The following CDK19 variants were observed in gnomAD, a reference collection of about 807,000 sequenced individuals.
CDK19 encodes the protein cyclin-dependent kinase 19.
CDK19 carries 20 observed loss-of-function variants against 68.3 expected under a neutral mutation model. The observed-to-expected ratio is 0.29, with a 90% CI of 0.21 to 0.43. The LOEUF (loss-of-function observed/expected upper bound fraction) is 0.43. CDK19 is among the 20% of genes least tolerant of loss of function. The probability of loss-of-function intolerance (pLI) is 1.00; values close to 1 mark genes in which losing one functional copy is unlikely to be tolerated. For synonymous variants in CDK19, 221 were observed against 222.8 expected (o/e 0.99, Z 0.07); for missense variants, 339 against 623.5 (o/e 0.54, Z 4.86).
chr6:110,627,424 C>G (rs1259158139), intron 6 of CDK19, among the ~76,000 whole-genome samples: 3 of 152,038 alleles, frequency 2.0e-5, no homozygotes. Context: ...TAATAAAAAA[C>G]ATTTACTTGT....
At chr6:110,652,191 A>G (rs1181978232) in intron 4 of CDK19, among the ~76,000 whole-genome samples, 1 of 152,172 alleles carries the variant, frequency 6.6e-6, no homozygotes. Flanking sequence ...TAAGCTAAAA[A>G]AGAAAACAAA....
intron 4 of CDK19, among the ~76,000 whole-genome samples, chr6:110,651,041 G>A (rs1170931609): frequency 6.6e-6 from 1 of 152,160 alleles, no homozygotes; most frequent in Non-Finnish European, 1.5e-5. Context: ...AAACAGCAAA[G>A]AGGTCAATGT....
At chr6:110,690,248 A>G (rs991743955) in intron 2 of CDK19, among the ~76,000 whole-genome samples, 1 of 152,052 alleles carries the variant, frequency 6.6e-6, no homozygotes, top group African/African-American at 2.4e-5. Context: ...TCAGGCTTGC[A>G]TAAGAGGTAG....
rs578151511 is a variant in CDK19, at chr6:110,801,614, C to A, written c.128+13395G>T. On this transcript the variant is annotated intron_variant, in intron 1 of 12. Coordinates refer to ENST00000368911, the MANE Select transcript of CDK19 (RefSeq NM_015076.5). ...GCAAGCTCCGCCTCCCAGGTTCACA[C>A]CATTCTCCTGCCTCAGCCTCCCGAG... is the stretch of plus-strand genomic sequence containing the variant. Among the ~76,000 whole-genome samples the A allele has an allele frequency of 4.4e-3, 668 of 152,194 alleles. 8 individuals carry two copies. Among genetic ancestry groups the A allele is most frequent in the Non-Finnish European group, 5.9e-3 (402 of 68,004 alleles).
chr6:110,794,562 CA>C (rs1251198659), intron 1 of CDK19, among the ~76,000 whole-genome samples: 1 of 150,800 alleles, frequency 6.6e-6, no homozygotes, highest in Non-Finnish European at 1.5e-5. Flanking sequence ...CCACCACGTC[CA>C]GCTAATTTTT....
chr6:110,743,571 G>A (rs892990059), intron 2 of CDK19, among the ~76,000 whole-genome samples: 1 of 152,124 alleles, frequency 6.6e-6, no homozygotes, highest in East Asian at 1.9e-4. Flanking sequence ...GAACCCAGAA[G>A]GCGGAAATTG....
chr6:110,654,950 A>G (rs1262291265), intron 4 of CDK19, among the ~76,000 whole-genome samples: 4 of 152,172 alleles, frequency 2.6e-5, no homozygotes, highest in Non-Finnish European at 5.9e-5. Flanking sequence ...TCCAAAAAAA[A>G]AAAAAGAAAG....
intron 2 of CDK19, among the ~76,000 whole-genome samples, chr6:110,741,842 A>T (rs748010072): frequency 1.3e-5 from 2 of 152,188 alleles, no homozygotes; most frequent in Non-Finnish European, 2.9e-5. Flanking sequence ...GAGCTGGGTA[A>T]GACAGAAAAA....
intron 1 of CDK19, among the ~76,000 whole-genome samples, chr6:110,769,110 G>T (rs1397871230): frequency 8.2e-6 from 1 of 122,314 alleles, no homozygotes; most frequent in African/African-American, 3.2e-5. Context: ...AGCCAAGATT[G>T]TACCACTGCA....
At chr6:110,717,198 G>C (rs1209897234) in intron 2 of CDK19, among the ~76,000 whole-genome samples, 1 of 149,064 alleles carries the variant, frequency 6.7e-6, no homozygotes, top group Admixed American at 7.0e-5. Context: ...TTTTTATACA[G>C]GAGTGCTTAT....
chr6:110,659,515 A>G (rs1216473932), intron 4 of CDK19, among the ~76,000 whole-genome samples: 1 of 152,184 alleles, frequency 6.6e-6, no homozygotes, highest in Non-Finnish European at 1.5e-5. Context: ...CATTATTTAA[A>G]TTTTTCTTCG....
chr6:110,722,400 CTT>C (rs1233901109), intron 2 of CDK19: 1 of 151,586 alleles, frequency 6.6e-6, no homozygotes, highest in Non-Finnish European at 1.5e-5. Context: ...GCAATTTTGA[CTT>C]AAAAAAAATG....
At chr6:110,809,799 T>C (rs976501414) in intron 1 of CDK19, among the ~76,000 whole-genome samples, 1 of 152,230 alleles carries the variant, frequency 6.6e-6, no homozygotes. Context: ...ACCAACTCTG[T>C]ACAAGGCACT....
intron 1 of CDK19, among the ~76,000 whole-genome samples, chr6:110,749,473 A>G (rs968877226): frequency 4.6e-5 from 7 of 151,584 alleles, no homozygotes; most frequent in Non-Finnish European, 2.9e-5. Context: ...TGATCCTCCC[A>G]CTTCACCCTC....
At chr6:110,618,557 G>C (rs959587152) in intron 12 of CDK19, among the ~76,000 whole-genome samples, 1 of 152,156 alleles carries the variant, frequency 6.6e-6, no homozygotes, top group African/African-American at 2.4e-5. Context: ...ATGGTGTTAG[G>C]AGCCTGGACA....
intron 2 of CDK19, among the ~76,000 whole-genome samples, chr6:110,673,203 C>T (rs150655745): frequency 6.6e-6 from 1 of 152,096 alleles, no homozygotes; most frequent in Non-Finnish European, 1.5e-5. Flanking sequence ...ACAGTGTCTG[C>T]CCACTTGTGT....
intron 4 of CDK19, chr6:110,646,379 C>G: frequency 6.8e-7 from 1 of 1,471,610 alleles, no homozygotes; most frequent in Non-Finnish European, 9.0e-7. Context: ...ACAGCGCCAA[C>G]GACTTCTGCC....
chr6:110,736,187 C>T (rs963707247), intron 2 of CDK19, among the ~76,000 whole-genome samples: 3 of 152,048 alleles, frequency 2.0e-5, no homozygotes, highest in African/African-American at 7.2e-5. Flanking sequence ...ACTAAAAATA[C>T]AAAATTAGCT....
intron 2 of CDK19, among the ~76,000 whole-genome samples, chr6:110,723,936 A>G (rs537831269): frequency 3.9e-5 from 6 of 152,068 alleles, no homozygotes; most frequent in African/African-American, 1.4e-4. Flanking sequence ...AATACTGAAT[A>G]TATCTTTTAT....
Sources: allele counts gnomAD v4.1 joint callset (sites outside exome capture counted in the v4.1 genomes callset), GRCh38; gene constraint gnomAD v4.1.1; transcripts MANE v1.5; gene names NCBI Gene and HGNC (gene_info 2026-07-23, HGNC 2026-07-21).